Variants in GIGYF2 observed in about 807,000 individuals in gnomAD.
The protein encoded by GIGYF2 is GRB10 interacting GYF protein 2.
GIGYF2 carries 25 observed loss-of-function variants against 208.1 expected under a neutral mutation model. The ratio of observed to expected loss-of-function variants is 0.12; its 90% confidence interval spans 0.09 to 0.17. The LOEUF (loss-of-function observed/expected upper bound fraction) is 0.17, where lower values mean the gene tolerates loss of function less well. Ranked by LOEUF, GIGYF2 falls within the 10% of genes least tolerant of loss-of-function variation. The pLI is 1.00. For synonymous variants in GIGYF2, 534 were observed against 543.8 expected (o/e 0.98, Z 0.25); for missense variants, 1,302 against 1,579.4 (o/e 0.82, Z 2.98).
intron 3 of GIGYF2, among the ~76,000 whole-genome samples, chr2:232,744,987 G>T (rs1338049165): frequency 6.6e-6 from 1 of 152,164 alleles, no homozygotes; most frequent in African/African-American, 2.4e-5. Context: ...TAGTTCACGT[G>T]TGAAATTTTC....
At chr2:232,734,920 CTG>C (rs1697669706) in intron 2 of GIGYF2, among the ~76,000 whole-genome samples, 1 of 152,190 alleles carries the variant, frequency 6.6e-6, no homozygotes, top group Non-Finnish European at 1.5e-5. Context: ...TCATCTTAAA[CTG>C]TGCCTCCTTA....
chr2:232,791,437 A>G lies in GIGYF2; in HGVS notation c.1273A>G (p.Arg425Gly), dbSNP rs566976004. The change falls in exon 12 of 29, where the codon AGA becomes GGA. Residue 425 changes from arginine to glycine, a missense_variant. This residue lies in a region of GIGYF2 where 235 missense variants were observed against 218.8 expected (regional missense o/e 1.07). Transcript: ENST00000373563. ...ENSLPAKVPS[R>G]GDEMVADVQQ... ...TAGTCTACCAGCCAAAGTGCCCAGCAGAGGGGATGGTATGTATTTGTGGGA... is the reference window on the plus strand; with the variant it reads ...TAGTCTACCAGCCAAAGTGCCCAGCGGAGGGGATGGTATGTATTTGTGGGA... The G allele has an allele frequency of 7.4e-6, 12 of 1,613,508 alleles. No individual in the cohort carries two copies. In the African/African-American group the frequency reaches 1.2e-4, roughly 16 times the overall value.
At chr2:232,768,146 C>A in intron 8 of GIGYF2, 1 of 1,595,252 alleles carries the variant, frequency 6.3e-7, no homozygotes, top group Non-Finnish European at 8.6e-7. Context: ...AAAGTAGCTG[C>A]ATAACTGGCT....
intron 8 of GIGYF2, chr2:232,776,312 A>G (rs939190013): frequency 1.7e-5 from 11 of 653,130 alleles, no homozygotes; most frequent in Non-Finnish European, 3.0e-5. Context: ...AAACCTTACT[A>G]TCCTACACTA....
chr2:232,837,149 C>T (rs1020141186), intron 22 of GIGYF2, among the ~76,000 whole-genome samples: 1 of 152,196 alleles, frequency 6.6e-6, no homozygotes, highest in Non-Finnish European at 1.5e-5. Flanking sequence ...AGAAGAGAGC[C>T]TCCACATCTG....
chr2:232,830,145 A>C (rs1701384808), intron 21 of GIGYF2, among the ~76,000 whole-genome samples: 1 of 151,950 alleles, frequency 6.6e-6, no homozygotes, highest in South Asian at 2.1e-4. Flanking sequence ...ATACCTGGCT[A>C]ATTTTTACTT....
intron 8 of GIGYF2, among the ~76,000 whole-genome samples, chr2:232,783,058 T>A (rs1699773670): frequency 6.6e-6 from 1 of 152,216 alleles, no homozygotes; most frequent in Non-Finnish European, 1.5e-5. Flanking sequence ...GTTCTTGAGG[T>A]CTTTTCACCC....
chr2:232,741,050 T>C (rs967582180), intron 3 of GIGYF2, among the ~76,000 whole-genome samples: 1 of 152,212 alleles, frequency 6.6e-6, no homozygotes, highest in Non-Finnish European at 1.5e-5. Flanking sequence ...ATAATTTCAC[T>C]TTGTCATAAT....
chr2:232,798,765 T>C (rs1700300034), intron 14 of GIGYF2, among the ~76,000 whole-genome samples: 1 of 152,060 alleles, frequency 6.6e-6, no homozygotes, highest in Non-Finnish European at 1.5e-5. Flanking sequence ...GTTCATGTCC[T>C]AATTGGATTG....
chr2:232,719,993 C>T (rs889875761), intron 2 of GIGYF2, among the ~76,000 whole-genome samples: 1 of 152,088 alleles, frequency 6.6e-6, no homozygotes, highest in Non-Finnish European at 1.5e-5. Flanking sequence ...TGTGCACAAC[C>T]TGCAGTTTTG....
intron 2 of GIGYF2, among the ~76,000 whole-genome samples, chr2:232,717,455 T>C (rs1234257396): frequency 6.6e-6 from 1 of 152,158 alleles, no homozygotes; most frequent in Non-Finnish European, 1.5e-5. Context: ...ATAGTGAACT[T>C]TTCCAGCACT....
Position 232,856,924 on chromosome 2 carries a change from C to T in GIGYF2, c.*64C>T. 9.8e-7 allele frequency: 1 copy of T among 1,016,884 alleles called. No individual in the cohort carries two copies. Among genetic ancestry groups the T allele is most frequent in the Middle Eastern group, 2.1e-4 (1 of 4,716 alleles). The allele number at this position is 1,016,884 out of a possible 1,614,324, so 63.0% of individuals were successfully genotyped here. ...CGACTATGGAGTCTCCACCTTTGGA[C>T]ACAACACTTACTCACCATTTACTCT... On this transcript the variant is annotated 3_prime_UTR_variant, in exon 29 of 29. Transcript: ENST00000373563.
intron 3 of GIGYF2, chr2:232,735,892 A>G: frequency 1.0e-6 from 1 of 983,282 alleles, no homozygotes; most frequent in Non-Finnish European, 1.2e-6. Context: ...CTTCAGTGGC[A>G]TCAATAATAA....
At chr2:232,724,547 T>C (rs1040090897) in intron 2 of GIGYF2, 2 of 151,934 alleles carry the variant, frequency 1.3e-5, no homozygotes, top group Non-Finnish European at 2.9e-5. Context: ...GGCTTAAATA[T>C]CTGAAACATT....
chr2:232,788,698 G>A, intron 9 of GIGYF2: 1 of 344,498 alleles, frequency 2.9e-6, no homozygotes, highest in South Asian at 2.5e-5. Context: ...TTAGAATTTG[G>A]TTATATATTA....
chr2:232,729,548 T>G (rs900896107), intron 2 of GIGYF2: 2 of 1,385,918 alleles, frequency 1.4e-6, no homozygotes, highest in African/African-American at 1.4e-5. Context: ...AGCAGCCACA[T>G]CCATGGACTG....
intron 22 of GIGYF2, among the ~76,000 whole-genome samples, chr2:232,836,383 A>AATAT (rs749376190): frequency 2.3e-5 from 1 of 42,706 alleles, no homozygotes; most frequent in African/African-American, 9.5e-5. Flanking sequence ...TATAAATATA[A>AATAT]ATATATATAA....
intron 14 of GIGYF2, among the ~76,000 whole-genome samples, chr2:232,797,084 T>TC (rs1239392938): frequency 1.3e-5 from 2 of 151,202 alleles, no homozygotes; most frequent in East Asian, 3.9e-4. Context: ...TTGACTGTTT[T>TC]TTTTTTTCAA....
In GIGYF2 at chr2:232,844,218, A is replaced by G. The variant is rs1701921826; in HGVS notation, c.3062A>G (p.Gln1021Arg). 6.4e-7 allele frequency: 1 copy of G among 1,564,792 alleles called. No individual in the cohort carries two copies. Among genetic ancestry groups the G allele is most frequent in the Admixed American group, 1.9e-5 (1 of 51,926 alleles). Residue 1021 changes from glutamine (Q) to arginine (R), a missense_variant, in exon 24 of 29, where the codon CAG (glutamine) becomes CGG (arginine). Around this residue, in one of 8 missense-constraint regions of GIGYF2, gnomAD observed 701 missense variants for 793.0 expected, o/e 0.88. Transcript: ENST00000373563. ...RQMQKQQQQQQQHQQPNRARN... is the reference protein window; with the variant it reads ...RQMQKQQQQQRQHQQPNRARN... ...ATGCAAAAGCAGCAGCAGCAGCAGCAGCAACACCAGCAACCAAACAGAGCT... is the reference window on the plus strand; with the variant it reads ...ATGCAAAAGCAGCAGCAGCAGCAGCGGCAACACCAGCAACCAAACAGAGCT...
Sources: allele counts gnomAD v4.1 joint callset (sites outside exome capture counted in the v4.1 genomes callset), GRCh38; gene constraint gnomAD v4.1.1; regional missense constraint gnomAD v4.1.1; transcripts MANE v1.5; gene names NCBI Gene and HGNC (gene_info 2026-07-23, HGNC 2026-07-21).